The following SNX29 variants were observed in gnomAD, a reference collection of about 807,000 sequenced individuals.
SNX29 encodes sorting nexin-29.
SNX29 carries 78 observed loss-of-function variants against 102.1 expected under a neutral mutation model. That is an observed-to-expected ratio of 0.76 (90% confidence interval 0.64 to 0.92). SNX29 has a LOEUF of 0.92. Among genes scored for constraint, SNX29 ranks in the 40% least tolerant of loss-of-function variants. The pLI, the probability that SNX29 is intolerant of heterozygous loss-of-function variation, is 0.00. For synonymous variants in SNX29, 580 were observed against 414.5 expected, an observed-to-expected ratio of 1.40 and a Z score of -4.85; for missense variants, 1,280 against 1,061.7, an observed-to-expected ratio of 1.21 and a Z score of -2.86.
intron 20 of SNX29, among the ~76,000 whole-genome samples, chr16:12,563,068 A>T (rs2078820919): frequency 6.6e-6 from 1 of 152,040 alleles, no homozygotes; most frequent in African/African-American, 2.4e-5. Context: ...TAGGTACTGG[A>T]AGAGAAATCC....
rs1384053900 is a variant in SNX29 at position 12,428,610 on chromosome 16, T to G, written c.2037+25081T>G. On this transcript the variant is annotated intron_variant, in intron 18 of 20. Transcript: ENST00000566228. ...TAGTCCCAATACATAGATATTTGATTGCAATTTATATCTCCTAGTTAATCC... is the reference window on the plus strand; with the variant it reads ...TAGTCCCAATACATAGATATTTGATGGCAATTTATATCTCCTAGTTAATCC... 5.9e-5 allele frequency among the ~76,000 whole-genome samples: 9 copies of G among 152,128 alleles called. No homozygotes were observed. In the South Asian group the frequency reaches 1.2e-3, roughly 21 times the overall value.
intron 20 of SNX29, among the ~76,000 whole-genome samples, chr16:12,534,862 C>G (rs982143462): frequency 6.6e-6 from 1 of 152,128 alleles, no homozygotes; most frequent in Non-Finnish European, 1.5e-5. Flanking sequence ...TTGTCCCAAC[C>G]ATGGGGGACA....
intron 19 of SNX29, among the ~76,000 whole-genome samples, chr16:12,518,378 C>G (rs1039359973): frequency 6.6e-6 from 1 of 152,206 alleles, no homozygotes; most frequent in East Asian, 1.9e-4. Context: ...CCTGTTCCAG[C>G]AAGCCAAGCT....
intron 16 of SNX29, among the ~76,000 whole-genome samples, chr16:12,368,312 T>C (rs1474958526): frequency 6.6e-6 from 1 of 152,238 alleles, no homozygotes; most frequent in Non-Finnish European, 1.5e-5. Flanking sequence ...TGCAAGCTTA[T>C]CTTTAAAGCT....
chr16:12,539,916 G>C (rs1033734567), intron 20 of SNX29, among the ~76,000 whole-genome samples: 1 of 152,192 alleles, frequency 6.6e-6, no homozygotes, highest in Non-Finnish European at 1.5e-5. Flanking sequence ...TTGAGTTTTG[G>C]GAGTTCTTTG....
chr16:12,207,106 C>T (rs1006199467), intron 14 of SNX29, among the ~76,000 whole-genome samples: 11 of 152,210 alleles, frequency 7.2e-5, no homozygotes, highest in South Asian at 6.2e-4. Flanking sequence ...CGGTTGCTCA[C>T]GCCTGTAATC....
intron 14 of SNX29, 53 bp downstream of exon 14, chr16:12,199,736 C>T (rs1288092875): frequency 1.0e-5 from 15 of 1,471,188 alleles, no homozygotes; most frequent in East Asian, 4.7e-5. Flanking sequence ...TCCATTAACA[C>T]CTGTACGTGG....
At chr16:12,461,711 C>T (rs562723117) in intron 18 of SNX29, among the ~76,000 whole-genome samples, 9 of 151,850 alleles carry the variant, frequency 5.9e-5, no homozygotes, top group Admixed American at 5.2e-4. Context: ...AATCCCAGCA[C>T]TTTGGGAGGC....
At chr16:12,198,105 T>C (rs572861613) in intron 13 of SNX29, among the ~76,000 whole-genome samples, 3 of 152,248 alleles carry the variant, frequency 2.0e-5, no homozygotes, top group African/African-American at 4.8e-5. Flanking sequence ...CTCAGAAACA[T>C]TTATACTATC....
Position 12,235,082 on chromosome 16 carries a change from C to G in SNX29, c.1678+35399C>G, listed in dbSNP as rs76310931. On this transcript the variant is annotated intron_variant, in intron 14 of 20. Transcript: ENST00000566228. ...AATCTGTCTCTGTCCTGCCCTTATT[C>G]TGTCCCTCTGTGTCTTTTTTTTCAT... 5.0e-3 allele frequency among the ~76,000 whole-genome samples: 758 copies of G among 152,250 alleles called. 4 individuals are homozygous for G. The highest frequency in any genetic ancestry group is 0.017 in the African/African-American group (723 of 41,532).
intron 20 of SNX29, among the ~76,000 whole-genome samples, chr16:12,545,132 C>G (rs751895863): frequency 5.3e-5 from 8 of 152,172 alleles, no homozygotes; most frequent in Non-Finnish European, 1.2e-4. Context: ...CCCCACTTAC[C>G]TAGCACAGCT....
At chr16:12,189,341 G>C (rs1020290325) in intron 13 of SNX29, among the ~76,000 whole-genome samples, 5 of 152,222 alleles carry the variant, frequency 3.3e-5, no homozygotes, top group African/African-American at 1.2e-4. Context: ...TTTCATGTCT[G>C]TTCGGGCTAG....
intron 14 of SNX29, among the ~76,000 whole-genome samples, chr16:12,219,743 A>T (rs2142100490): frequency 6.6e-6 from 1 of 152,334 alleles, no homozygotes; most frequent in South Asian, 2.1e-4. Context: ...GGAAATGAGG[A>T]TTGTCCTGTG....
chr16:12,170,814 G>A (rs1388108779), intron 13 of SNX29, among the ~76,000 whole-genome samples: 2 of 151,622 alleles, frequency 1.3e-5, no homozygotes, highest in African/African-American at 2.4e-5. Flanking sequence ...TGTATGGGGT[G>A]TGTGACTAAG....
intron 15 of SNX29, among the ~76,000 whole-genome samples, chr16:12,282,806 C>A (rs1430968267): frequency 6.6e-6 from 1 of 152,170 alleles, no homozygotes; most frequent in African/African-American, 2.4e-5. Context: ...CAGGTGCCCA[C>A]CACAATGCCT....
At chr16:12,178,402 G>A (rs377696277) in intron 13 of SNX29, among the ~76,000 whole-genome samples, 3 of 152,170 alleles carry the variant, frequency 2.0e-5, no homozygotes, top group Non-Finnish European at 2.9e-5. Context: ...TGCTGGAGAC[G>A]TATTGCTTTC....
chr16:12,277,873 C>G (rs924427521), intron 14 of SNX29, 60 bp from the exon 15 acceptor site: 3 of 1,449,982 alleles, frequency 2.1e-6, no homozygotes, highest in Non-Finnish European at 2.8e-6. Context: ...TCTTTTTTTA[C>G]TGGGAGAATA....
intron 13 of SNX29, among the ~76,000 whole-genome samples, chr16:12,136,521 A>C (rs1436005641): frequency 6.6e-6 from 1 of 152,150 alleles, no homozygotes; most frequent in Non-Finnish European, 1.5e-5. Flanking sequence ...AGGACAGGTC[A>C]CTTTCTTCAA....
chr16:12,486,966 C>G (rs1012331396), intron 19 of SNX29, among the ~76,000 whole-genome samples: 7 of 152,136 alleles, frequency 4.6e-5, no homozygotes, highest in Admixed American at 1.3e-4. Context: ...AAGTAAGAGG[C>G]TGTAATAAGC....
Sources: gnomAD v4.1 joint callset for allele counts (sites outside exome capture counted in the v4.1 genomes callset) on GRCh38, gnomAD v4.1.1 for gene constraint, MANE v1.5 for transcripts, NCBI Gene and HGNC (gene_info 2026-07-23, HGNC 2026-07-21) for gene names.